Variants in GNG7 observed in about 807,000 individuals in gnomAD.
GNG7 encodes the protein G protein subunit gamma 7.
GNG7 carries 1 observed loss-of-function variant against 4.0 expected under a neutral mutation model. The observed-to-expected ratio is 0.25, with a 90% CI of 0.09 to 1.18. The LOEUF (loss-of-function observed/expected upper bound fraction) is 1.18, where lower values mean the gene tolerates loss of function less well. Among genes scored for constraint, GNG7 ranks in the 50% most tolerant of loss-of-function variants. GNG7 has a pLI of 0.50. For missense variants in GNG7, 86 were observed against 91.9 expected, an observed-to-expected ratio of 0.94 and a Z score of 0.26; for synonymous variants, 34 against 36.9, an observed-to-expected ratio of 0.92 and a Z score of 0.29.
intron 2 of GNG7, among the ~76,000 whole-genome samples, chr19:2,596,981 G>A (rs1981041001): frequency 1.3e-5 from 2 of 151,494 alleles, no homozygotes; most frequent in Admixed American, 1.3e-4. Context: ...GGTATAGGCT[G>A]GGCTCGGTGG....
intron 4 of GNG7, among the ~76,000 whole-genome samples, chr19:2,519,028 C>T (rs1019463876): frequency 9.2e-5 from 14 of 151,674 alleles, no homozygotes; most frequent in African/African-American, 9.7e-5. Flanking sequence ...GAACTCCTGA[C>T]CTTGTGATCC....
chr19:2,656,023 T>C (rs1265193235), intron 1 of GNG7, among the ~76,000 whole-genome samples: 1 of 112,596 alleles, frequency 8.9e-6, no homozygotes, highest in African/African-American at 3.8e-5. Context: ...AGACTCCGAT[T>C]CAAAACAAAA....
chr19:2,583,142 C>A (rs954139387), intron 2 of GNG7, among the ~76,000 whole-genome samples: 4 of 151,906 alleles, frequency 2.6e-5, no homozygotes, highest in African/African-American at 9.7e-5. Context: ...TAGATAATAT[C>A]CAGGGATGGT....
rs111589261 is a variant in GNG7, at chr19:2,678,051, G to C, written c.-135+24595C>G. On this transcript the variant is annotated intron_variant, in intron 1 of 4. Coordinates refer to ENST00000382159, the MANE Select transcript of GNG7 (RefSeq NM_052847.3). ...CCCAACCTTTCTAACCCTGCCACCT[G>C]TGCTGACCACCAGTGGCCTCTGTGT... is the stretch of plus-strand genomic sequence containing the variant. Among the ~76,000 whole-genome samples the C allele has an allele frequency of 8.4e-3, 1,285 of 152,310 alleles. 17 individuals carry two copies. The highest frequency in any genetic ancestry group is 0.03 in the African/African-American group (1,239 of 41,558).
intron 1 of GNG7, among the ~76,000 whole-genome samples, chr19:2,690,783 G>A (rs989463103): frequency 3.3e-5 from 5 of 152,016 alleles, no homozygotes; most frequent in South Asian, 2.1e-4. Context: ...TAATAAAGAC[G>A]GGGTTTCACC....
At position 2,546,102 on chromosome 19, in the gene GNG7, C is replaced by T. The variant is rs1210008266; in HGVS notation, c.-38+9047G>A. Reference sequence around the variant, plus strand: ...CCTGGCAGCTGGGATGCAGGCCCCCCACGGCCTGCCATGTTCTCACCAGGA... The same window carrying T: ...CCTGGCAGCTGGGATGCAGGCCCCCTACGGCCTGCCATGTTCTCACCAGGA... On this transcript the variant is annotated intron_variant, in intron 3 of 4. Coordinates refer to ENST00000382159, the MANE Select transcript of GNG7 (RefSeq NM_052847.3). The surrounding 1 kb of genome is among the most constrained non-coding windows in gnomAD (Gnocchi z 6.3). Among the ~76,000 whole-genome samples, 1 of 152,228 alleles carries T rather than the reference C, an allele frequency of 6.6e-6. No homozygotes were observed. Among genetic ancestry groups the T allele is most frequent in the Non-Finnish European group, 1.5e-5 (1 of 68,040 alleles).
chr19:2,520,672 T>C lies in GNG7; in HGVS notation c.17A>G (p.Asn6Ser), dbSNP rs1387451938. The stretch of plus-strand genomic sequence containing the variant: ...CACCAGCTTCCGGGCCTGGGCTATG[T>C]TGTTAGTGGCTGACATTGTCTGCCA... MSATN[N>S]IAQARKLVEQ... Residue 6 changes from asparagine (N) to serine (S), a missense_variant, in exon 4 of 5, where the codon AAC becomes AGC. By Grantham distance (46) the Asn-to-Ser change is conservative. Transcript: ENST00000382159. 1.3e-6 allele frequency: 2 copies of C among 1,546,204 alleles called. No homozygotes were observed. Among genetic ancestry groups the C allele is most frequent in the Admixed American group, 2.0e-5 (1 of 51,144 alleles).
chr19:2,690,724 T>C (rs1287970634), intron 1 of GNG7, among the ~76,000 whole-genome samples: 1 of 152,012 alleles, frequency 6.6e-6, no homozygotes, highest in Non-Finnish European at 1.5e-5. Flanking sequence ...CTCCTGAGTA[T>C]CTGGGGTTAC....
At chr19:2,593,975 A>G (rs2144804292) in intron 2 of GNG7, among the ~76,000 whole-genome samples, 1 of 150,402 alleles carries the variant, frequency 6.6e-6, no homozygotes, top group African/African-American at 2.4e-5. Flanking sequence ...AAACCTTCTC[A>G]AATCTGGATT....
Position 2,520,716 on chromosome 19 carries a change from GT to G in GNG7, c.-29del. ...TCTGCCATCAGCTCTGGGCCCCGTT[GT>G]TCAGAGAGCTGTGGGGGAAGCAGAG... On this transcript the variant is annotated 5_prime_UTR_variant, in exon 4 of 5. Coordinates refer to ENST00000382159, the MANE Select transcript of GNG7 (RefSeq NM_052847.3). 2.1e-6 allele frequency: 3 copies of G among 1,407,396 alleles called. No homozygotes were observed. Among genetic ancestry groups the G allele is most frequent in the Non-Finnish European group, 3.0e-6 (3 of 1,015,882 alleles). The allele number at this position is 1,407,396 out of a possible 1,614,324, so 87.2% of individuals were successfully genotyped here.
intron 1 of GNG7, among the ~76,000 whole-genome samples, chr19:2,651,575 C>CTTTT (rs748291961): frequency 1.6e-5 from 2 of 125,146 alleles, no homozygotes; most frequent in African/African-American, 3.1e-5. Flanking sequence ...CTCTCTCTCT[C>CTTTT]TTTTTTTTTT....
chr19:2,567,111 C>CA lies in GNG7; in HGVS notation c.-77-11924dup, dbSNP rs375974742. ...TGGGCGACAGAGCGAGACTCCGTCTCAAAAAAAAAAACAAAAAAAACAAAA... is the reference window on the plus strand; with the variant it reads ...TGGGCGACAGAGCGAGACTCCGTCTCAAAAAAAAAAAACAAAAAAAACAAAA... On this transcript the variant is annotated intron_variant, in intron 2 of 4. Coordinates refer to ENST00000382159, the MANE Select transcript of GNG7 (RefSeq NM_052847.3). Among the ~76,000 whole-genome samples the CA allele has an allele frequency of 4.4e-4, 50 of 112,986 alleles. 1 individual carries two copies. The South Asian group carries it at 9.6e-3, about 22-fold the overall frequency. 74.1% of individuals were successfully genotyped at this position (112,986 alleles called of 152,430 possible).
intron 2 of GNG7, among the ~76,000 whole-genome samples, chr19:2,624,883 G>A (rs1981977780): frequency 1.3e-5 from 2 of 152,230 alleles, no homozygotes; most frequent in Admixed American, 1.3e-4. Flanking sequence ...CACGCTGTGG[G>A]CTGGGCCACT....
At chr19:2,675,538 G>A (rs1352609021) in intron 1 of GNG7, among the ~76,000 whole-genome samples, 2 of 152,130 alleles carry the variant, frequency 1.3e-5, no homozygotes, top group African/African-American at 4.8e-5. Context: ...CAGATGTCGC[G>A]GCCCCTCTGC....
chr19:2,548,453 C>A (rs1213826500), intron 3 of GNG7, among the ~76,000 whole-genome samples: 1 of 143,520 alleles, frequency 7.0e-6, no homozygotes, highest in Non-Finnish European at 1.5e-5. Context: ...TGCACTCCAG[C>A]CCGGGCGACA....
At chr19:2,554,559 AT>A (rs34740203) in intron 3 of GNG7, among the ~76,000 whole-genome samples, 54,466 of 129,658 alleles carry the variant, frequency 0.42, 10,731 homozygotes, top group East Asian at 0.54. Flanking sequence ...ATATATATAT[AT>A]TTTTTTTTTT....
At chr19:2,532,337 G>C (rs1978622616) in intron 3 of GNG7, among the ~76,000 whole-genome samples, 1 of 152,144 alleles carries the variant, frequency 6.6e-6, no homozygotes, top group Admixed American at 6.6e-5. Context: ...AGTGGATATG[G>C]AGAAAATGAC....
intron 1 of GNG7, among the ~76,000 whole-genome samples, chr19:2,681,546 A>AG: frequency 1.3e-5 from 2 of 152,072 alleles, no homozygotes; most frequent in East Asian, 3.9e-4. Context: ...TGGGATCACT[A>AG]GCATTAGCCA....
chr19:2,571,892 G>A (rs993180807), intron 2 of GNG7, among the ~76,000 whole-genome samples: 10 of 152,042 alleles, frequency 6.6e-5, no homozygotes, highest in South Asian at 6.2e-4. Flanking sequence ...CACTGCGCCC[G>A]GCCAGTTGAC....
Sources: allele counts gnomAD v4.1 joint callset (sites outside exome capture counted in the v4.1 genomes callset), GRCh38; gene constraint gnomAD v4.1.1; non-coding constraint Gnocchi (gnomAD v3.1); transcripts MANE v1.5; gene names NCBI Gene and HGNC (gene_info 2026-07-23, HGNC 2026-07-21).